Variants in MATCAP2 observed in about 807,000 individuals in gnomAD.
The protein encoded by MATCAP2 is putative tyrosine carboxypeptidase MATCAP2.
chr7:36,361,131 C>T, the MATCAP2 span, among the ~76,000 whole-genome samples: 1 of 152,170 alleles, frequency 6.6e-6, no homozygotes, highest in African/African-American at 2.4e-5. Context: ...GTTATCAACA[C>T]AATGAAAACT....
At chr7:36,353,933 A>G in the MATCAP2 span, among the ~76,000 whole-genome samples, 1 of 152,200 alleles carries the variant, frequency 6.6e-6, no homozygotes, top group African/African-American at 2.4e-5. Context: ...ACTGCTCAAG[A>G]GCACCACTAA....
the MATCAP2 span, among the ~76,000 whole-genome samples, chr7:36,349,775 T>C: frequency 6.6e-6 from 1 of 152,218 alleles, no homozygotes; most frequent in African/African-American, 2.4e-5. Context: ...AGAATGTACA[T>C]GTTAATCAAG....
the MATCAP2 span, among the ~76,000 whole-genome samples, chr7:36,381,045 T>C: frequency 1.5e-3 from 233 of 152,188 alleles, no homozygotes; most frequent in African/African-American, 5.4e-3. Context: ...AAGGGTATGG[T>C]AGGAGGTCAA....
chr7:36,351,184 T>C, the MATCAP2 span, among the ~76,000 whole-genome samples: 1 of 152,100 alleles, frequency 6.6e-6, no homozygotes, highest in African/African-American at 2.4e-5. Context: ...TCACCTGAGG[T>C]CAGGAGTTCA....
chr7:36,347,845 A>C, the MATCAP2 span, among the ~76,000 whole-genome samples: 2 of 152,084 alleles, frequency 1.3e-5, no homozygotes, highest in African/African-American at 2.4e-5. Context: ...AGAATCTAAA[A>C]CTTCCCCCCC....
At chr7:36,341,357 T>C in the MATCAP2 span, among the ~76,000 whole-genome samples, 1 of 152,212 alleles carries the variant, frequency 6.6e-6, no homozygotes, top group African/African-American at 2.4e-5. Context: ...ATGTGATACA[T>C]TGCATTCCGG....
the MATCAP2 span, chr7:36,366,963 G>A: frequency 7.4e-7 from 1 of 1,343,528 alleles, no homozygotes. Flanking sequence ...GCCCGGGGCG[G>A]CGGGCTCCGC....
the MATCAP2 span, among the ~76,000 whole-genome samples, chr7:36,385,355 T>C: frequency 6.6e-6 from 1 of 152,194 alleles, no homozygotes; most frequent in Non-Finnish European, 1.5e-5. Context: ...GGAAGAACAA[T>C]GAGGCAAAAT....
chr7:36,357,823 C>T, the MATCAP2 span, among the ~76,000 whole-genome samples: 8 of 152,196 alleles, frequency 5.3e-5, no homozygotes, highest in East Asian at 1.5e-3. Context: ...AAAAAATCCT[C>T]AGCTTCAAAC....
At chr7:36,389,373 T>C in the MATCAP2 span, among the ~76,000 whole-genome samples, 1 of 151,626 alleles carries the variant, frequency 6.6e-6, no homozygotes, top group Non-Finnish European at 1.5e-5. Flanking sequence ...CCTTTTTTTT[T>C]CTTTTTTGAG....
At chr7:36,334,260 G>A in the MATCAP2 span, 1 of 1,025,236 alleles carries the variant, frequency 9.8e-7, no homozygotes, top group South Asian at 1.6e-5. Context: ...AAACCAGCCA[G>A]GCGCGGTGGC....
the MATCAP2 span, among the ~76,000 whole-genome samples, chr7:36,346,348 CATT>C: frequency 4.6e-5 from 7 of 152,022 alleles, no homozygotes; most frequent in African/African-American, 7.3e-5. Flanking sequence ...GTTCATACAG[CATT>C]ATTAACAGCC....
the MATCAP2 span, chr7:36,335,079 GC>G: frequency 6.2e-7 from 1 of 1,613,890 alleles, no homozygotes; most frequent in Non-Finnish European, 8.5e-7. Context: ...TCCAGCCAAT[GC>G]TCACGTGCAG....
At chr7:36,367,174 T>A in the MATCAP2 span, 51 of 1,201,120 alleles carry the variant, frequency 4.2e-5, no homozygotes, top group Non-Finnish European at 5.0e-5. Flanking sequence ...CACGGCGGCC[T>A]TACGGTGCCC....
At chr7:36,387,841 T>A in the MATCAP2 span, among the ~76,000 whole-genome samples, 1 of 152,120 alleles carries the variant, frequency 6.6e-6, no homozygotes, top group Non-Finnish European at 1.5e-5. Flanking sequence ...AACGGCTACA[T>A]AAATTTCTAA....
At chr7:36,389,426 G>A in the MATCAP2 span, among the ~76,000 whole-genome samples, 1 of 151,766 alleles carries the variant, frequency 6.6e-6, no homozygotes, top group African/African-American at 2.4e-5. Context: ...GCAGTAGTGA[G>A]ATCGCAGCTC....
the MATCAP2 span, among the ~76,000 whole-genome samples, chr7:36,353,456 T>C: frequency 6.7e-6 from 1 of 150,068 alleles, no homozygotes; most frequent in South Asian, 2.1e-4. Context: ...GCCAGAATCA[T>C]GGGAAGATAC....
chr7:36,388,014 C>T, the MATCAP2 span, among the ~76,000 whole-genome samples: 1 of 152,172 alleles, frequency 6.6e-6, no homozygotes, highest in African/African-American at 2.4e-5. Flanking sequence ...ATATACTACA[C>T]ACTCGGACAG....
chr7:36,336,854 G>C, the MATCAP2 span, among the ~76,000 whole-genome samples: 1 of 151,578 alleles, frequency 6.6e-6, no homozygotes, highest in Non-Finnish European at 1.5e-5. Context: ...CAGCACTTTG[G>C]GAGGCTGAGG....
Sources: gnomAD v4.1 joint callset for allele counts (sites outside exome capture counted in the v4.1 genomes callset) on GRCh38, gnomAD v4.1.1 for gene constraint, MANE v1.5 for transcripts, NCBI Gene and HGNC (gene_info 2026-07-23, HGNC 2026-07-21) for gene names.